MAP3K3: variants seen among roughly 807,000 people sequenced by gnomAD.
MAP3K3 encodes the protein MAP/ERK kinase kinase 3.
In MAP3K3, 12 loss-of-function variants were observed where a neutral mutation model predicts 80.9. That is an observed-to-expected ratio of 0.15 (90% CI 0.10 to 0.24). The LOEUF is 0.24. Among genes scored for constraint, MAP3K3 ranks in the 10% least tolerant of loss-of-function variants. The pLI is 1.00. For missense variants in MAP3K3, 596 were observed against 834.7 expected (o/e 0.71, Z 3.52); for synonymous variants, 272 against 307.1 (o/e 0.89, Z 1.19).
At chr17:63,687,988 T>C (rs2035495580) in intron 8 of MAP3K3, among the ~76,000 whole-genome samples, 1 of 152,080 alleles carries the variant, frequency 6.6e-6, no homozygotes, top group Admixed American at 6.6e-5. Flanking sequence ...AGCATATACA[T>C]AGGACTGTGT....
intron 6 of MAP3K3, among the ~76,000 whole-genome samples, chr17:63,679,009 A>G (rs944753059): frequency 6.6e-6 from 1 of 152,212 alleles, no homozygotes; most frequent in Admixed American, 6.5e-5. Context: ...AGCCTGGGCA[A>G]CAGAGCAAGA....
chr17:63,665,795 A>T (rs1318743825), intron 5 of MAP3K3, among the ~76,000 whole-genome samples: 1 of 152,322 alleles, frequency 6.6e-6, no homozygotes, highest in East Asian at 1.9e-4. Flanking sequence ...TTTCAAGACA[A>T]CCTGCATGTG....
intron 5 of MAP3K3, among the ~76,000 whole-genome samples, chr17:63,665,811 G>A (rs923190097): frequency 3.3e-5 from 5 of 152,220 alleles, no homozygotes; most frequent in African/African-American, 1.2e-4. Context: ...ATGTGATAAA[G>A]TCTGGCATGG....
chr17:63,647,406 A>G (rs1346192339), intron 3 of MAP3K3, among the ~76,000 whole-genome samples: 2 of 152,200 alleles, frequency 1.3e-5, no homozygotes, highest in Non-Finnish European at 2.9e-5. Context: ...CAGAGTTTTC[A>G]ATCAAAAGCA....
Position 63,693,442 on chromosome 17 carries a change from C to T in MAP3K3, c.1653-107C>T, listed in dbSNP as rs2035633463. The T allele has an allele frequency of 2.0e-6, 2 of 1,002,130 alleles. No individual in the cohort carries two copies. Among genetic ancestry groups the T allele is most frequent in the Non-Finnish European group, 3.0e-6 (2 of 668,622 alleles). 62.1% of individuals were successfully genotyped at this position (1,002,130 alleles called of 1,614,324 possible). On this transcript the variant is annotated intron_variant, in intron 15 of 15. Transcript: ENST00000361733. The surrounding 1 kb of genome is among the most constrained non-coding windows in gnomAD (Gnocchi z 4.2). ...GAGGTATCCCTCAGCTTGGCCTGTCCTGCACCTCAGCTTGCTGTGAGAAAG... is the reference window on the plus strand; with the variant it reads ...GAGGTATCCCTCAGCTTGGCCTGTCTTGCACCTCAGCTTGCTGTGAGAAAG...
At chr17:63,634,359 G>A (rs2034277955) in intron 2 of MAP3K3, among the ~76,000 whole-genome samples, 1 of 152,182 alleles carries the variant, frequency 6.6e-6, no homozygotes, top group South Asian at 2.1e-4. Flanking sequence ...GTTAGTGGGT[G>A]AAAAGGGGAA....
intron 3 of MAP3K3, 37 bp from the exon 4 acceptor site, chr17:63,652,520 A>G (rs772088393): frequency 4.4e-6 from 6 of 1,374,688 alleles, no homozygotes; most frequent in Non-Finnish European, 4.2e-6. Context: ...CGTTTTAAGT[A>G]TACAATTAAC....
chr17:63,685,352 G>A (rs886406006), intron 7 of MAP3K3, among the ~76,000 whole-genome samples, 165 bp from the exon 8 acceptor site: 2 of 152,200 alleles, frequency 1.3e-5, no homozygotes, highest in African/African-American at 4.8e-5. Context: ...CAAACTAAGG[G>A]GGAGGATGGT....
chr17:63,662,438 C>T (rs921341085), intron 5 of MAP3K3, among the ~76,000 whole-genome samples: 2 of 151,622 alleles, frequency 1.3e-5, no homozygotes, highest in African/African-American at 2.4e-5. Flanking sequence ...AATAACAACA[C>T]CTAGCACATA....
intron 2 of MAP3K3, among the ~76,000 whole-genome samples, chr17:63,641,371 T>A (rs1344963275): frequency 6.6e-6 from 1 of 151,896 alleles, no homozygotes; most frequent in African/African-American, 2.4e-5. Flanking sequence ...GCCTCCCGAA[T>A]AGCTGGGATT....
Position 63,693,873 on chromosome 17 carries a change from G to A in MAP3K3, c.*96G>A. 1 of 1,118,298 alleles carries A rather than the reference G, an allele frequency of 8.9e-7. No individual in the cohort carries two copies. Among genetic ancestry groups the A allele is most frequent in the Non-Finnish European group, 1.3e-6 (1 of 786,232 alleles). 69.3% of individuals were successfully genotyped at this position (1,118,298 alleles called of 1,614,324 possible). The stretch of plus-strand genomic sequence containing the variant: ...GTTGCTGCTTCTCCCAGGCAAGGCT[G>A]TGGACCATGGAGTGGCAGCCCAGCC... On this transcript the variant is annotated 3_prime_UTR_variant, in exon 16 of 16. Transcript: ENST00000361733. This position sits in a 1 kb window ranked among gnomAD's most constrained non-coding sequence, Gnocchi z 4.2.
intron 6 of MAP3K3, among the ~76,000 whole-genome samples, chr17:63,678,785 T>G (rs2035271932): frequency 6.6e-6 from 1 of 152,200 alleles, no homozygotes; most frequent in Non-Finnish European, 1.5e-5. Context: ...ATCCCAGCAC[T>G]TTGGGAGGCT....
At chr17:63,688,423 C>T (rs1568153780) in intron 8 of MAP3K3, 104 bp from the exon 9 acceptor site, 1 of 876,812 alleles carries the variant, frequency 1.1e-6, no homozygotes, top group Non-Finnish European at 1.9e-6. Flanking sequence ...CTGCTTCCCC[C>T]ACCTAATGCT....
chr17:63,645,302 CA>C (rs397959129), intron 2 of MAP3K3, among the ~76,000 whole-genome samples: 41 of 140,456 alleles, frequency 2.9e-4, no homozygotes, highest in African/African-American at 2.6e-4. Context: ...CACTCCGTCT[CA>C]AAAAAAAAAA....
chr17:63,633,229 CAAA>C (rs201848267), intron 2 of MAP3K3, among the ~76,000 whole-genome samples: 1 of 109,638 alleles, frequency 9.1e-6, no homozygotes, highest in African/African-American at 3.4e-5. Context: ...AACTCTGTCT[CAAA>C]AAAAAAAAAA....
chr17:63,681,522 T>C (rs560900558), intron 6 of MAP3K3, among the ~76,000 whole-genome samples: 1 of 152,294 alleles, frequency 6.6e-6, no homozygotes, highest in South Asian at 2.1e-4. Context: ...TATTCTGGTT[T>C]CTGTTTTGTG....
chr17:63,652,505 C>A, intron 3 of MAP3K3, 52 bp from the exon 4 acceptor site: 4 of 1,172,320 alleles, frequency 3.4e-6, no homozygotes, highest in Middle Eastern at 3.8e-4. Context: ...GCTTTTTAAA[C>A]CCTACGTTTT....
chr17:63,649,224 G>T (rs997242810), intron 3 of MAP3K3, among the ~76,000 whole-genome samples: 2 of 152,016 alleles, frequency 1.3e-5, no homozygotes, highest in African/African-American at 2.4e-5. Context: ...ATTACCTGAG[G>T]TCAGGAGTTC....
intron 6 of MAP3K3, among the ~76,000 whole-genome samples, chr17:63,679,506 A>G (rs1469328715): frequency 6.6e-6 from 1 of 152,194 alleles, no homozygotes; most frequent in African/African-American, 2.4e-5. Context: ...TCTATGAGAC[A>G]GGGTCGCACT....
Sources: gnomAD v4.1 joint callset for allele counts (sites outside exome capture counted in the v4.1 genomes callset) on GRCh38, gnomAD v4.1.1 for gene constraint, Gnocchi (gnomAD v3.1) non-coding constraint, MANE v1.5 for transcripts, NCBI Gene and HGNC (gene_info 2026-07-23, HGNC 2026-07-21) for gene names.